CSMD1: variants seen among roughly 807,000 people sequenced by gnomAD.
CSMD1 encodes the protein CUB and Sushi multiple domains 1.
In CSMD1, 213 loss-of-function variants were observed where a neutral mutation model predicts 417.5. That is an observed-to-expected ratio of 0.51 (90% CI 0.46 to 0.57). The LOEUF is 0.57. Among genes scored for constraint, CSMD1 ranks in the 20% least tolerant of loss-of-function variants. CSMD1 has a pLI of 0.00. For synonymous variants in CSMD1, 2,862 were observed against 1,736.8 expected, an observed-to-expected ratio of 1.65 and a Z score of -16.11; for missense variants, 6,923 against 4,529.7, an observed-to-expected ratio of 1.53 and a Z score of -15.17.
chr8:3,625,298 G>A (rs1165441708), intron 7 of CSMD1, among the ~76,000 whole-genome samples: 1 of 152,152 alleles, frequency 6.6e-6, no homozygotes, highest in Non-Finnish European at 1.5e-5. Flanking sequence ...GCTTTTATAC[G>A]TATTGTTTTA....
At chr8:4,051,850 T>C (rs1219918905) in intron 3 of CSMD1, among the ~76,000 whole-genome samples, 1 of 77,268 alleles carries the variant, frequency 1.3e-5, no homozygotes, top group African/African-American at 5.5e-5. Flanking sequence ...CTTTCTTTTC[T>C]TTTCTCTTTC....
At chr8:4,599,626 A>G (rs1454556932) in intron 2 of CSMD1, among the ~76,000 whole-genome samples, 2 of 152,116 alleles carry the variant, frequency 1.3e-5, no homozygotes, top group African/African-American at 4.8e-5. Context: ...TGTCCATCTC[A>G]TTTAATTATT....
intron 6 of CSMD1, among the ~76,000 whole-genome samples, chr8:3,740,846 A>G (rs550949907): frequency 2.4e-4 from 37 of 152,216 alleles, no homozygotes; most frequent in South Asian, 4.1e-4. Flanking sequence ...CCAGTGGAGG[A>G]GAGTATAGCA....
At chr8:4,714,079 A>C (rs564752075) in intron 1 of CSMD1, among the ~76,000 whole-genome samples, 15 of 151,836 alleles carry the variant, frequency 9.9e-5, no homozygotes, top group Non-Finnish European at 2.2e-4. Context: ...CGGGAGACAG[A>C]GGTTGCAGTG....
intron 2 of CSMD1, among the ~76,000 whole-genome samples, chr8:4,532,928 C>T (rs902390010): frequency 1.3e-5 from 2 of 152,064 alleles, no homozygotes; most frequent in South Asian, 4.1e-4. Flanking sequence ...AAATCTTGCA[C>T]CTGCATTCAC....
At chr8:4,492,453 C>A (rs1194786566) in intron 2 of CSMD1, among the ~76,000 whole-genome samples, 1 of 152,152 alleles carries the variant, frequency 6.6e-6, no homozygotes, top group South Asian at 2.1e-4. Context: ...TTTTACATCA[C>A]AAGTAAACAT....
chr8:4,249,782 G>A (rs1345937832), intron 3 of CSMD1, among the ~76,000 whole-genome samples: 1 of 152,082 alleles, frequency 6.6e-6, no homozygotes, highest in Non-Finnish European at 1.5e-5. Context: ...GGGCACTTGG[G>A]GAAATGAAGA....
chr8:4,003,138 A>T (rs1815827324), intron 4 of CSMD1, among the ~76,000 whole-genome samples: 1 of 152,196 alleles, frequency 6.6e-6, no homozygotes, highest in South Asian at 2.1e-4. Context: ...TGATGCCTGT[A>T]GTCCCAACAC....
intron 3 of CSMD1, among the ~76,000 whole-genome samples, chr8:4,106,905 C>T (rs1441189146): frequency 2.6e-5 from 4 of 152,154 alleles, no homozygotes; most frequent in Admixed American, 6.5e-5. Context: ...AAAAACAAAT[C>T]AATAGGCTTA....
At chr8:3,409,943 A>C (rs1812579534) in intron 12 of CSMD1, among the ~76,000 whole-genome samples, 1 of 152,240 alleles carries the variant, frequency 6.6e-6, no homozygotes, top group African/African-American at 2.4e-5. Context: ...AAATGCAAAT[A>C]CCAGTTTAAT....
intron 28 of CSMD1, among the ~76,000 whole-genome samples, chr8:3,220,035 C>T (rs1563155124): frequency 1.3e-5 from 2 of 151,580 alleles, no homozygotes; most frequent in Non-Finnish European, 2.9e-5. Context: ...GTCCTAGCTA[C>T]TCAGGAAGCT....
At chr8:4,371,257 G>T (rs530807482) in intron 3 of CSMD1, among the ~76,000 whole-genome samples, 9 of 152,244 alleles carry the variant, frequency 5.9e-5, no homozygotes, top group African/African-American at 2.2e-4. Context: ...TCAGCAGTTT[G>T]GCTTCTAGTC....
At chr8:4,165,309 G>T (rs545228019) in intron 3 of CSMD1, among the ~76,000 whole-genome samples, 1 of 152,336 alleles carries the variant, frequency 6.6e-6, no homozygotes, top group Admixed American at 6.5e-5. Flanking sequence ...TGTGTGCCGG[G>T]TATCTCAGCT....
chr8:4,392,963 T>G (rs1295773327), intron 3 of CSMD1, among the ~76,000 whole-genome samples: 1 of 151,794 alleles, frequency 6.6e-6, no homozygotes, highest in Non-Finnish European at 1.5e-5. Flanking sequence ...GGTGGGACAC[T>G]GTGTCAAAAA....
chr8:3,778,460 G>A (rs961741399), intron 5 of CSMD1, among the ~76,000 whole-genome samples: 4 of 152,156 alleles, frequency 2.6e-5, no homozygotes. Flanking sequence ...AGGTGCCCTC[G>A]CCTTACAAGG....
chr8:4,328,422 T>C (rs1179505923), intron 3 of CSMD1, among the ~76,000 whole-genome samples: 1 of 152,038 alleles, frequency 6.6e-6, no homozygotes, highest in African/African-American at 2.4e-5. Flanking sequence ...GTAGTTTTAA[T>C]TTCTTAATTT....
chr8:4,063,997 G>A (rs551962668), intron 3 of CSMD1, among the ~76,000 whole-genome samples: 2 of 152,260 alleles, frequency 1.3e-5, no homozygotes, highest in Non-Finnish European at 2.9e-5. Context: ...ATGGGGAAAT[G>A]AGTGTACCTA....
chr8:3,551,971 C>A (rs1798935051), intron 10 of CSMD1, among the ~76,000 whole-genome samples: 2 of 152,116 alleles, frequency 1.3e-5, no homozygotes, highest in South Asian at 4.1e-4. Flanking sequence ...GAGCTGAGGA[C>A]TGATAGGGAT....
chr8:4,042,727 G>A (rs999597861), intron 3 of CSMD1, among the ~76,000 whole-genome samples: 1 of 147,554 alleles, frequency 6.8e-6, no homozygotes, highest in South Asian at 2.1e-4. Flanking sequence ...TGACAGAAAT[G>A]ACAGCAATAC....
Sources: gnomAD v4.1 joint callset for allele counts (sites outside exome capture counted in the v4.1 genomes callset) on GRCh38, gnomAD v4.1.1 for gene constraint, MANE v1.5 for transcripts, NCBI Gene and HGNC (gene_info 2026-07-23, HGNC 2026-07-21) for gene names.